The following SH3D19 variants were observed in gnomAD, a reference collection of about 807,000 sequenced individuals.
SH3D19 encodes the protein SH3 domain-containing protein 19.
In SH3D19, 58 loss-of-function variants were observed where a neutral mutation model predicts 112.1. That is an observed-to-expected ratio of 0.52 (90% confidence interval 0.42 to 0.64). SH3D19 has a LOEUF of 0.64. Ranked by LOEUF, SH3D19 falls within the 30% of genes least tolerant of loss-of-function variation. SH3D19 has a pLI of 0.00. For synonymous variants in SH3D19, 391 were observed against 448.5 expected (o/e 0.87, Z 1.62); for missense variants, 1,090 against 1,263.4 (o/e 0.86, Z 2.08).
rs1214889900 is a variant in SH3D19 at position 151,209,235 on chromosome 4, C to T, written c.152+16812G>A. Among the ~76,000 whole-genome samples, 10 of 151,902 alleles carry T rather than the reference C, an allele frequency of 6.6e-5. No homozygotes were observed. The East Asian group carries it at 1.5e-3, about 23-fold the overall frequency. On this transcript the variant is annotated intron_variant, in intron 2 of 19. Coordinates refer to ENST00000604030, the MANE Select transcript of SH3D19 (RefSeq NM_001378122.1). Reference sequence around the variant, plus strand: ...CTTCACACACTATCCCACAGCTTCTCGAGTGGTTCTACCAATACAGGCAGA... The same window carrying T: ...CTTCACACACTATCCCACAGCTTCTTGAGTGGTTCTACCAATACAGGCAGA...
intron 1 of SH3D19, among the ~76,000 whole-genome samples, chr4:151,275,034 A>G (rs1482809004): frequency 1.3e-5 from 2 of 151,940 alleles, no homozygotes; most frequent in African/African-American, 4.8e-5. Context: ...TAAAGACCTT[A>G]TCTCCAAATA....
At chr4:151,273,567 G>T (rs1241676196) in intron 1 of SH3D19, among the ~76,000 whole-genome samples, 3 of 133,560 alleles carry the variant, frequency 2.2e-5, no homozygotes, top group Non-Finnish European at 4.6e-5. Flanking sequence ...TCCAGCCTGG[G>T]CGACAGAGCG....
intron 1 of SH3D19, chr4:151,291,076 G>A: frequency 6.9e-7 from 1 of 1,454,816 alleles, no homozygotes; most frequent in Non-Finnish European, 9.4e-7. Flanking sequence ...TCTTCTTTAT[G>A]CCTCTTTTCA....
intron 1 of SH3D19, among the ~76,000 whole-genome samples, chr4:151,298,221 T>C (rs1251849294): frequency 3.1e-5 from 4 of 130,462 alleles, no homozygotes; most frequent in African/African-American, 1.2e-4. Context: ...GGAGTCTCGC[T>C]CTGTCACCAG....
In SH3D19 at chr4:151,132,244, C is replaced by T. The variant is rs943513446; in HGVS notation, c.2742+87G>A. On this transcript the variant is annotated intron_variant, in intron 17 of 19. Transcript: ENST00000604030. ...GTATGAATTGAAAAATTAATTCATA[C>T]TATATTCTCTTGAAAATTATGATTT... 6.7e-6 allele frequency: 7 copies of T among 1,049,776 alleles called. No homozygotes were observed. The African/African-American group carries it at 8.0e-5, about 12-fold the overall frequency. 65.0% of individuals were successfully genotyped at this position (1,049,776 alleles called of 1,614,324 possible). A position where few individuals can be genotyped will look rare whatever the true frequency, so the allele number is the denominator to read the frequency against.
Position 151,128,179 on chromosome 4 carries a change from G to A in SH3D19, c.2920C>T (p.Pro974Ser). The A allele has an allele frequency of 1.9e-6, 3 of 1,602,076 alleles. No homozygotes were observed. Among genetic ancestry groups the A allele is most frequent in the Admixed American group, 1.7e-5 (1 of 58,046 alleles). Residue 974 changes from proline to serine, a missense_variant, in exon 18 of 20, where the codon CCC becomes TCC. Physicochemically the swap from Pro to Ser is moderately conservative, Grantham distance 74. Coordinates refer to ENST00000604030, the MANE Select transcript of SH3D19 (RefSeq NM_001378122.1). ...CTTGCGGTTGTCATACCTGGGCAGGGCCTCACAAACACTGCTGGGAAGATC... is the reference window on the plus strand; with the variant it reads ...CTTGCGGTTGTCATACCTGGGCAGGACCTCACAAACACTGCTGGGAAGATC... ...EGIFPAVFVR[P>S]CPAEAKSMLA...
intron 2 of SH3D19, among the ~76,000 whole-genome samples, chr4:151,194,316 C>T (rs1008232333): frequency 6.6e-5 from 10 of 151,540 alleles, no homozygotes; most frequent in African/African-American, 1.9e-4. Context: ...CATGAGCCAC[C>T]GCCCCCAGCC....
At chr4:151,302,334 TAACAACAAAA>T (rs1728507026) in intron 1 of SH3D19, among the ~76,000 whole-genome samples, 1 of 152,184 alleles carries the variant, frequency 6.6e-6, no homozygotes, top group East Asian at 1.9e-4. Context: ...ATCACAGCAT[TAACAACAAAA>T]TATGACAGGT....
At chr4:151,227,351 A>G (rs571466851) in intron 1 of SH3D19, among the ~76,000 whole-genome samples, 1 of 152,354 alleles carries the variant, frequency 6.6e-6, no homozygotes, top group Admixed American at 6.5e-5. Context: ...AAAGCCAAAG[A>G]GTTAGTACTC....
intron 1 of SH3D19, among the ~76,000 whole-genome samples, chr4:151,253,347 C>T (rs1337372048): frequency 1.3e-5 from 2 of 152,206 alleles, no homozygotes; most frequent in South Asian, 2.1e-4. Context: ...CCTCTCAGGT[C>T]TCTGCTCAGA....
intron 3 of SH3D19, among the ~76,000 whole-genome samples, chr4:151,185,524 C>T (rs957046273): frequency 9.2e-5 from 14 of 152,302 alleles, no homozygotes; most frequent in African/African-American, 3.4e-4. Context: ...TGCCCGTCAT[C>T]GCCTGCCACC....
intron 1 of SH3D19, among the ~76,000 whole-genome samples, chr4:151,283,681 C>A (rs1022844596): frequency 2.0e-5 from 3 of 151,842 alleles, no homozygotes; most frequent in African/African-American, 7.3e-5. Context: ...CCTCACCAGG[C>A]CCACATACTT....
chr4:151,176,041 T>C (rs1310841801), intron 6 of SH3D19, among the ~76,000 whole-genome samples: 1 of 152,074 alleles, frequency 6.6e-6, no homozygotes, highest in African/African-American at 2.4e-5. Context: ...CAGCGAATTT[T>C]TCCATTTTTT....
At chr4:151,226,898 A>G (rs1769096791) in intron 1 of SH3D19, among the ~76,000 whole-genome samples, 1 of 152,180 alleles carries the variant, frequency 6.6e-6, no homozygotes, top group Non-Finnish European at 1.5e-5. Flanking sequence ...TATACAAGAG[A>G]ACCATAAAAC....
chr4:151,153,178 T>A (rs1022387059), intron 9 of SH3D19, among the ~76,000 whole-genome samples: 1 of 152,094 alleles, frequency 6.6e-6, no homozygotes. Flanking sequence ...AAGACCACAC[T>A]CTTGTCTGCT....
chr4:151,159,569 A>C (rs1756778360), intron 8 of SH3D19, among the ~76,000 whole-genome samples: 1 of 152,228 alleles, frequency 6.6e-6, no homozygotes, highest in African/African-American at 2.4e-5. Flanking sequence ...AGTGAAAATA[A>C]TACTAAACAA....
chr4:151,314,842 A>G (rs757579434), intron 1 of SH3D19, among the ~76,000 whole-genome samples: 7 of 152,272 alleles, frequency 4.6e-5, no homozygotes, highest in Non-Finnish European at 1.0e-4. Context: ...AAGTAACCTC[A>G]TGGCCCAGGG....
chr4:151,194,733 G>T (rs1159555181), intron 2 of SH3D19, among the ~76,000 whole-genome samples: 1 of 72,288 alleles, frequency 1.4e-5, no homozygotes, highest in East Asian at 4.0e-4. Flanking sequence ...TGTCCTATTA[G>T]CTGATGATTT....
intron 1 of SH3D19, chr4:151,283,215 G>A: frequency 6.2e-7 from 1 of 1,613,862 alleles, no homozygotes; most frequent in Non-Finnish European, 8.5e-7. Flanking sequence ...CTTCTTGCCA[G>A]CACTGGAGCC....
Sources: allele counts gnomAD v4.1 joint callset (sites outside exome capture counted in the v4.1 genomes callset), GRCh38; gene constraint gnomAD v4.1.1; transcripts MANE v1.5; gene names NCBI Gene and HGNC (gene_info 2026-07-23, HGNC 2026-07-21).